The following DDX23 variants were observed in gnomAD, a reference collection of about 807,000 sequenced individuals.
DDX23 encodes DEAD-box helicase 23, also known as probable ATP-dependent RNA helicase DDX23.
A neutral mutation model predicts 102.7 loss-of-function variants in DDX23; 33 were observed. That is an observed-to-expected ratio of 0.32 (90% CI 0.24 to 0.43). The LOEUF is 0.43. Among genes scored for constraint, DDX23 ranks in the 20% least tolerant of loss-of-function variants. DDX23 has a pLI of 1.00. For synonymous variants in DDX23, 352 were observed against 376.0 expected (o/e 0.94, Z 0.74); for missense variants, 549 against 1,086.6 (o/e 0.51, Z 6.96).
Position 48,830,558 on chromosome 12 carries a change from G to A in DDX23, c.2374C>T (p.Pro792Ser), listed in dbSNP as rs1285298484. ...TCTGGGTGGTTGGCTAGTTCGGGGG[G>A]ACAGGAAGACACTGGGCTTTCCAGG... ...AILESPVSSCPPELANHPDAQ... is the reference protein window; with the variant it reads ...AILESPVSSCSPELANHPDAQ... The change falls in exon 17 of 17, where the codon CCC becomes TCC. Residue 792 changes from proline to serine, a missense_variant. Physicochemically the swap from Pro to Ser is moderately conservative, Grantham distance 74. Around this residue, in one of 4 missense-constraint regions of DDX23, gnomAD observed 38 missense variants for 94.5 expected, o/e 0.40. Coordinates refer to ENST00000308025, the MANE Select transcript of DDX23 (RefSeq NM_004818.3). The surrounding 1 kb of genome is among the most constrained non-coding windows in gnomAD (Gnocchi z 4.9). 2 of 1,613,808 alleles carry A rather than the reference G, an allele frequency of 1.2e-6. No individual in the cohort carries two copies. The highest frequency in any genetic ancestry group is 4.5e-5 in the East Asian group (2 of 44,882).
intron 2 of DDX23, among the ~76,000 whole-genome samples, chr12:48,845,323 C>T (rs1248028298): frequency 6.6e-6 from 1 of 151,906 alleles, no homozygotes; most frequent in Admixed American, 6.6e-5. Flanking sequence ...TGGTGTCGGG[C>T]GCCTGTAGTC....
At position 48,845,745 on chromosome 12, in the gene DDX23, G is replaced by C; in HGVS notation, c.38C>G (p.Ala13Gly). The change falls in exon 2 of 17, where the codon GCA (alanine) becomes GGA (glycine). Residue 13 changes from alanine (A) to glycine (G), a missense_variant. Ala to Gly is a moderately conservative substitution (Grantham distance 60, BLOSUM62 0). Coordinates refer to ENST00000308025, the MANE Select transcript of DDX23 (RefSeq NM_004818.3). ...CTTCCTTTCCTCCTTGGAAGGTGATGCATCACGGTCCTTTTTGTCAGCCAG... is the reference window on the plus strand; with the variant it reads ...CTTCCTTTCCTCCTTGGAAGGTGATCCATCACGGTCCTTTTTGTCAGCCAG... ...GELADKKDRD[A>G]SPSKEERKRS... 6.2e-7 allele frequency: 1 copy of C among 1,614,178 alleles called. No homozygotes were observed. The highest frequency in any genetic ancestry group is 2.2e-5 in the East Asian group (1 of 44,872).
At chr12:48,844,256 C>G (rs116085541) in intron 2 of DDX23, among the ~76,000 whole-genome samples, 11 of 152,130 alleles carry the variant, frequency 7.2e-5, no homozygotes, top group African/African-American at 2.7e-4. Flanking sequence ...TGACAGGTCA[C>G]GGACTATGTG....
At chr12:48,847,078 T>G (rs999596094) in intron 1 of DDX23, among the ~76,000 whole-genome samples, 2 of 152,176 alleles carry the variant, frequency 1.3e-5, no homozygotes, top group Admixed American at 1.3e-4. Context: ...CTGCCATATA[T>G]CCTTAAGAAA....
At chr12:48,849,020 G>A (rs1312582441) in intron 1 of DDX23, among the ~76,000 whole-genome samples, 3 of 151,942 alleles carry the variant, frequency 2.0e-5, no homozygotes, top group African/African-American at 7.3e-5. Context: ...AAAGTGCTGG[G>A]ATAACAAGCA....
rs757958009 is a variant in DDX23, at chr12:48,845,581, C to G, written c.202G>C (p.Ala68Pro). The G allele has an allele frequency of 1.2e-6, 2 of 1,614,230 alleles. No homozygotes were observed. Among genetic ancestry groups the G allele is most frequent in the Admixed American group, 1.7e-5 (1 of 60,024 alleles). Residue 68 changes from alanine to proline, a missense_variant, in exon 2 of 17, where the codon GCA (alanine) becomes CCA (proline). This residue lies in a region of DDX23 where 241 missense variants were observed against 267.0 expected (regional missense o/e 0.90). Transcript: ENST00000308025. ...RSRSRSRSKS[A>P]ERERRHKERE... The stretch of plus-strand genomic sequence containing the variant: ...CATACAAAGTTACTTTACCTTTCTG[C>G]AGATTTGGAACGGGAACGAGAGCGA...
At position 48,837,312 on chromosome 12, in the gene DDX23, A is replaced by T; in HGVS notation, c.835T>A (p.Ser279Thr). The change falls in exon 8 of 17, where the codon TCT becomes ACT. Residue 279 changes from serine to threonine, a missense_variant. This residue lies in a region of DDX23 where 270 missense variants were observed against 707.0 expected (regional missense o/e 0.38). Transcript: ENST00000308025. ...DRKFVFEWDA[S>T]EDTSIDYNPL... is the part of the protein sequence containing the mutation. Reference sequence around the variant, plus strand: ...TTGTAGTCAATGGATGTGTCCTCAGATGCATCCCACTCAAAAACAAATTTC... The same window carrying T: ...TTGTAGTCAATGGATGTGTCCTCAGTTGCATCCCACTCAAAAACAAATTTC... The T allele has an allele frequency of 1.2e-6, 2 of 1,614,126 alleles. No individual in the cohort carries two copies. Among genetic ancestry groups the T allele is most frequent in the Non-Finnish European group, 1.7e-6 (2 of 1,180,034 alleles).
Position 48,832,520 on chromosome 12 carries a change from G to A in DDX23, c.1857C>T (p.Ser619=). 1 of 1,614,154 alleles carries A rather than the reference G, an allele frequency of 6.2e-7. No individual in the cohort carries two copies. The highest frequency in any genetic ancestry group is 8.5e-7 in the Non-Finnish European group (1 of 1,180,026). The part of the protein sequence containing the change: ...MPPAVERLAR[S]YLRRPAVVYI... ...ACACCACAGCAGGTCGCCGAAGATAGCTCCTGGCCAGACGCTCCACCGCTG... is the reference window on the plus strand; with the variant it reads ...ACACCACAGCAGGTCGCCGAAGATAACTCCTGGCCAGACGCTCCACCGCTG... Residue 619 remains serine (S), a synonymous_variant, in exon 14 of 17, where the codon AGC becomes AGT. Coordinates refer to ENST00000308025, the MANE Select transcript of DDX23 (RefSeq NM_004818.3). The surrounding 1 kb of genome is among the most constrained non-coding windows in gnomAD (Gnocchi z 4.4).
Position 48,837,813 on chromosome 12 carries a change from T to A in DDX23, c.619+129A>T. 6 of 1,535,130 alleles carry A rather than the reference T, an allele frequency of 3.9e-6. No homozygotes were observed. The South Asian group carries it at 6.4e-5, about 16-fold the overall frequency. ...GATCTAACAGAAAAATGTTTTCTCA[T>A]AAACTCCCACCATCCTTCCCCTTTC... On this transcript the variant is annotated intron_variant, in intron 6 of 16. Coordinates refer to ENST00000308025, the MANE Select transcript of DDX23 (RefSeq NM_004818.3).
intron 7 of DDX23, 38 bp from the exon 8 acceptor site, chr12:48,837,431 G>C: frequency 3.1e-6 from 5 of 1,612,686 alleles, no homozygotes; most frequent in Non-Finnish European, 4.2e-6. Flanking sequence ...TGAGCTTTGA[G>C]GCCCAATTCT....
Position 48,831,269 on chromosome 12 carries a change from C to G in DDX23, c.2112G>C (p.Glu704Asp). Residue 704 changes from glutamate (E) to aspartate (D), a missense_variant, in exon 16 of 17, where the codon GAG becomes GAC. This residue lies in a region of DDX23 where 270 missense variants were observed against 707.0 expected (regional missense o/e 0.38). Coordinates refer to ENST00000308025, the MANE Select transcript of DDX23 (RefSeq NM_004818.3). ...CAGCCTTGAGGTTGGACAACGCAAA[C>G]TCTCGCTGCTCCTGGCCTTTTCCAC... Reference protein sequence around the residue: ...LHGGKGQEQREFALSNLKAGA... With the variant: ...LHGGKGQEQRDFALSNLKAGA... The G allele has an allele frequency of 1.2e-6, 2 of 1,614,262 alleles. No homozygotes were observed. The highest frequency in any genetic ancestry group is 1.7e-6 in the Non-Finnish European group (2 of 1,180,050).
chr12:48,849,068 T>A (rs182591101), intron 1 of DDX23, among the ~76,000 whole-genome samples: 1 of 152,058 alleles, frequency 6.6e-6, no homozygotes, highest in East Asian at 2.0e-4. Context: ...TTCTTAAAAT[T>A]TTTATTAGAG....
Position 48,832,012 on chromosome 12 carries a change from G to T in DDX23, c.2064+66C>A. ...TGAGACTTGAAAGGAAGAGCCTAGG[G>T]GGCCCTGCTAGATTCAGAAAGCAGT... On this transcript the variant is annotated intron_variant, in intron 15 of 16. Transcript: ENST00000308025. This position sits in a 1 kb window ranked among gnomAD's most constrained non-coding sequence, Gnocchi z 4.4. 1 of 1,445,444 alleles carries T rather than the reference G, an allele frequency of 6.9e-7. No homozygotes were observed. The highest frequency in any genetic ancestry group is 9.7e-7 in the Non-Finnish European group (1 of 1,029,766). The allele number at this position is 1,445,444 out of a possible 1,614,324, so 89.5% of individuals were successfully genotyped here.
chr12:48,831,406 G>T, intron 15 of DDX23, 90 bp from the exon 16 acceptor site: 1 of 1,268,008 alleles, frequency 7.9e-7, no homozygotes, highest in Non-Finnish European at 1.1e-6. Context: ...TGAAGGGAGG[G>T]TTGGAGAGAG....
In DDX23 at chr12:48,830,592, C is replaced by T. The variant is rs1592198610; in HGVS notation, c.2340G>A (p.Lys780=). 1 of 1,614,134 alleles carries T rather than the reference C, an allele frequency of 6.2e-7. No homozygotes were observed. The highest frequency in any genetic ancestry group is 8.5e-7 in the Non-Finnish European group (1 of 1,180,050). ...KEDSAVFYEL[K]QAILESPVSS... ...ACACTGGGCTTTCCAGGATAGCTTG[C>T]TTCAGCTCGTAGAACACAGCAGAGT... The change falls in exon 17 of 17, where the codon AAG becomes AAA. Residue 780 remains lysine, a synonymous_variant. Coordinates refer to ENST00000308025, the MANE Select transcript of DDX23 (RefSeq NM_004818.3). The surrounding 1 kb of genome is among the most constrained non-coding windows in gnomAD (Gnocchi z 4.9).
intron 1 of DDX23, among the ~76,000 whole-genome samples, chr12:48,847,739 C>G (rs1331266746): frequency 6.6e-6 from 1 of 152,078 alleles, no homozygotes; most frequent in Non-Finnish European, 1.5e-5. Context: ...CTGCTTGAGC[C>G]CGGGAGGCAG....
At chr12:48,838,208 T>C (rs1482759810) in intron 5 of DDX23, 128 bp from the exon 6 acceptor site, 18 of 1,369,656 alleles carry the variant, frequency 1.3e-5, no homozygotes, top group East Asian at 9.2e-5. Flanking sequence ...AAAACACAAA[T>C]AGGCCTTGGA....
At chr12:48,835,011 G>C (rs897756518) in intron 11 of DDX23, 1 of 159,450 alleles carries the variant, frequency 6.3e-6, no homozygotes, top group Non-Finnish European at 1.4e-5. Flanking sequence ...TTCGGAGGCT[G>C]AGGTGAGTGA....
At chr12:48,848,143 G>T (rs565343682) in intron 1 of DDX23, among the ~76,000 whole-genome samples, 2 of 152,014 alleles carry the variant, frequency 1.3e-5, no homozygotes, top group African/African-American at 2.4e-5. Context: ...AAAATTAGCC[G>T]GGCGTGGTGG....
Sources: gnomAD v4.1 joint callset for allele counts (sites outside exome capture counted in the v4.1 genomes callset) on GRCh38, gnomAD v4.1.1 for gene constraint, gnomAD v4.1.1 regional missense constraint, Gnocchi (gnomAD v3.1) non-coding constraint, MANE v1.5 for transcripts, NCBI Gene and HGNC (gene_info 2026-07-23, HGNC 2026-07-21) for gene names.